Variants in MBTD1 observed in about 807,000 individuals in gnomAD.
The protein encoded by MBTD1 is mbt domain containing 1, also known as MBT domain-containing protein 1.
Under a neutral mutation model 87.8 loss-of-function variants are expected in MBTD1, and 24 were observed. That is an observed-to-expected ratio of 0.27 (90% CI 0.20 to 0.38). The LOEUF is 0.38. MBTD1 is among the 10% of genes least tolerant of loss of function. MBTD1 has a pLI of 1.00. For missense variants in MBTD1, 436 were observed against 760.2 expected (o/e 0.57, Z 5.02); for synonymous variants, 237 against 248.6 (o/e 0.95, Z 0.44).
intron 16 of MBTD1, among the ~76,000 whole-genome samples, chr17:51,181,780 G>C (rs376769584): frequency 6.6e-6 from 1 of 152,222 alleles, no homozygotes; most frequent in African/African-American, 2.4e-5. Context: ...GTGCCTGCCT[G>C]AGTTCTTATC....
chr17:51,220,195 G>A, intron 4 of MBTD1, 135 bp downstream of exon 4: 2 of 794,452 alleles, frequency 2.5e-6, no homozygotes, highest in Non-Finnish European at 3.7e-6. Flanking sequence ...GGGCTCACAT[G>A]TTTCCTCAAG....
At chr17:51,186,377 T>C (rs2050534626) in intron 16 of MBTD1, 1 of 151,990 alleles carries the variant, frequency 6.6e-6, no homozygotes, top group Non-Finnish European at 1.5e-5. Flanking sequence ...ACTGACTGAA[T>C]GTGTGTGTTG....
At chr17:51,211,529 C>G (rs1482753360) in intron 6 of MBTD1, among the ~76,000 whole-genome samples, 1 of 147,298 alleles carries the variant, frequency 6.8e-6, no homozygotes, top group African/African-American at 2.5e-5. Context: ...AAAGACAAGA[C>G]AGGTGATGTT....
intron 2 of MBTD1, among the ~76,000 whole-genome samples, chr17:51,242,808 T>A (rs1272656494): frequency 2.0e-5 from 3 of 152,216 alleles, no homozygotes; most frequent in African/African-American, 7.2e-5. Flanking sequence ...GCTATATATA[T>A]GTTTTCTTAT....
rs2053458882 is a variant in MBTD1 at position 51,229,930 on chromosome 17, T to C, written c.-48-4721A>G. Among the ~76,000 whole-genome samples, 3 of 152,166 alleles carry C rather than the reference T, an allele frequency of 2.0e-5. No individual in the cohort carries two copies. The South Asian group carries it at 6.2e-4, about 31-fold the overall frequency. On this transcript the variant is annotated intron_variant, in intron 2 of 16. Transcript: ENST00000586178. ...GTCTCGGCCTCCCAAAATGCTGGGATTACAGGCGTGAGCCACTGCACCCAG... is the reference window on the plus strand; with the variant it reads ...GTCTCGGCCTCCCAAAATGCTGGGACTACAGGCGTGAGCCACTGCACCCAG...
intron 12 of MBTD1, among the ~76,000 whole-genome samples, chr17:51,197,093 T>G (rs1381970013): frequency 3.9e-4 from 6 of 15,296 alleles, no homozygotes; most frequent in East Asian, 4.6e-3. Flanking sequence ...TATATATATA[T>G]ATATATATAT....
At chr17:51,213,034 G>A (rs2052347253) in intron 6 of MBTD1, among the ~76,000 whole-genome samples, 1 of 151,182 alleles carries the variant, frequency 6.6e-6, no homozygotes, top group South Asian at 2.1e-4. Context: ...GGCCTGAAGA[G>A]CATATATTTT....
chr17:51,185,438 C>A (rs2050491696), intron 16 of MBTD1: 1 of 152,190 alleles, frequency 6.6e-6, no homozygotes, highest in South Asian at 2.1e-4. Flanking sequence ...TTGGCCTAAC[C>A]AATTACACTC....
At chr17:51,193,637 A>G (rs1314944601) in intron 13 of MBTD1, 127 bp from the exon 14 acceptor site, 1 of 639,308 alleles carries the variant, frequency 1.6e-6, no homozygotes, top group Non-Finnish European at 2.8e-6. Flanking sequence ...ATTTTTTTTG[A>G]GACAGGGTCT....
In MBTD1 at chr17:51,228,928, A is replaced by T. The variant is rs536071936; in HGVS notation, c.-48-3719T>A. Among the ~76,000 whole-genome samples, 10 of 151,754 alleles carry T rather than the reference A, an allele frequency of 6.6e-5. No individual in the cohort carries two copies. In the South Asian group the frequency reaches 2.1e-3, roughly 32 times the overall value. ...TGGGTGGGTGGGAAAAGGGAAAGGTATCTCAAATGCAAAATAAAAACAGGA... is the reference window on the plus strand; with the variant it reads ...TGGGTGGGTGGGAAAAGGGAAAGGTTTCTCAAATGCAAAATAAAAACAGGA... On this transcript the variant is annotated intron_variant, in intron 2 of 16. Coordinates refer to ENST00000586178, the MANE Select transcript of MBTD1 (RefSeq NM_017643.3).
At chr17:51,212,037 T>C (rs1268521251) in intron 6 of MBTD1, among the ~76,000 whole-genome samples, 1 of 152,070 alleles carries the variant, frequency 6.6e-6, no homozygotes, top group Non-Finnish European at 1.5e-5. Flanking sequence ...GTCACGTAAG[T>C]AACAAGAGGG....
rs554232148 is a variant in MBTD1 at position 51,201,954 on chromosome 17, T to C, written c.1119+68A>G. 2.6e-5 allele frequency: 29 copies of C among 1,131,924 alleles called. No individual in the cohort carries two copies. In the African/African-American group the frequency reaches 4.0e-4, roughly 16 times the overall value. 70.1% of individuals were successfully genotyped at this position (1,131,924 alleles called of 1,614,324 possible). Reference sequence around the variant, plus strand: ...TATGTAATTGTGATTTCCGTAATTTTAGGAAAAAACCCACAACCCTCTTTC... The same window carrying C: ...TATGTAATTGTGATTTCCGTAATTTCAGGAAAAAACCCACAACCCTCTTTC... On this transcript the variant is annotated intron_variant, in intron 11 of 16. Coordinates refer to ENST00000586178, the MANE Select transcript of MBTD1 (RefSeq NM_017643.3).
intron 6 of MBTD1, among the ~76,000 whole-genome samples, chr17:51,215,710 C>A (rs531453982): frequency 1.3e-5 from 2 of 152,120 alleles, no homozygotes; most frequent in Non-Finnish European, 2.9e-5. Context: ...AAATAAATCA[C>A]CTACTTTACA....
At chr17:51,200,000 T>C (rs2051369953) in intron 12 of MBTD1, among the ~76,000 whole-genome samples, 1 of 152,120 alleles carries the variant, frequency 6.6e-6, no homozygotes, top group Admixed American at 6.6e-5. Flanking sequence ...AAATTTTTTG[T>C]AGTTTTAGTA....
chr17:51,191,260 CTTTTTTTTTTTT>C (rs10545166), intron 16 of MBTD1, among the ~76,000 whole-genome samples: 1 of 136,592 alleles, frequency 7.3e-6, no homozygotes, highest in Non-Finnish European at 1.6e-5. Flanking sequence ...GAAAGAATTT[CTTTTTTTTTTTT>C]TTTTTCGAGA....
chr17:51,208,278 A>G (rs1160875936), intron 6 of MBTD1, among the ~76,000 whole-genome samples: 1 of 152,254 alleles, frequency 6.6e-6, no homozygotes, highest in Non-Finnish European at 1.5e-5. Context: ...AGTAGTAAGC[A>G]ATGAGTTTAC....
chr17:51,194,591 A>AAAAG (rs1482531960), intron 13 of MBTD1, among the ~76,000 whole-genome samples: 1 of 148,950 alleles, frequency 6.7e-6, no homozygotes, highest in African/African-American at 2.5e-5. Context: ...AAAAAAAAAA[A>AAAAG]AGTCCACATG....
chr17:51,234,382 A>G (rs1229337048), intron 2 of MBTD1, among the ~76,000 whole-genome samples: 1 of 137,732 alleles, frequency 7.3e-6, no homozygotes, highest in Non-Finnish European at 1.5e-5. Context: ...CACAGAGGAG[A>G]GACTTTGTCC....
chr17:51,195,225 G>A lies in MBTD1; in HGVS notation c.1361C>T (p.Thr454Ile). The A allele has an allele frequency of 1.2e-6, 2 of 1,612,240 alleles. No homozygotes were observed. The highest frequency in any genetic ancestry group is 1.7e-6 in the Non-Finnish European group (2 of 1,179,426). The change falls in exon 13 of 17, where the codon ACT becomes ATT. Residue 454 changes from threonine to isoleucine, a missense_variant. Physicochemically the swap from Thr to Ile is moderately conservative, Grantham distance 89. This residue lies in a region of MBTD1 where 80 missense variants were observed against 182.2 expected (regional missense o/e 0.44). Coordinates refer to ENST00000586178, the MANE Select transcript of MBTD1 (RefSeq NM_017643.3). ...GFCEINMIEL[T>I]PPRGYTKLPF... ...TTAGGATGAAGTACCTCTGGGTGGA[G>A]TAAGTTCAATCATGTTAATTTCACA...
Sources: gnomAD v4.1 joint callset for allele counts (sites outside exome capture counted in the v4.1 genomes callset) on GRCh38, gnomAD v4.1.1 for gene constraint, gnomAD v4.1.1 regional missense constraint, MANE v1.5 for transcripts, NCBI Gene and HGNC (gene_info 2026-07-23, HGNC 2026-07-21) for gene names.